The following NMNAT2 variants were observed in gnomAD, a reference collection of about 807,000 sequenced individuals.
NMNAT2 encodes nicotinamide/nicotinic acid mononucleotide adenylyltransferase 2.
Under a neutral mutation model 41.6 loss-of-function variants are expected in NMNAT2, and 11 were observed. The observed-to-expected ratio is 0.26, with a 90% CI of 0.17 to 0.44. NMNAT2 has a LOEUF of 0.44. NMNAT2 is among the 20% of genes least tolerant of loss of function. NMNAT2 has a pLI of 1.00. For missense variants in NMNAT2, 288 were observed against 407.7 expected, an observed-to-expected ratio of 0.71 and a Z score of 2.53; for synonymous variants, 148 against 151.2, an observed-to-expected ratio of 0.98 and a Z score of 0.16.
chr1:183,268,450 C>A (rs1660877672), intron 8 of NMNAT2, among the ~76,000 whole-genome samples: 3 of 152,196 alleles, frequency 2.0e-5, no homozygotes, highest in African/African-American at 7.2e-5. Context: ...GTATCTACTG[C>A]TGTGAAGATA....
At position 183,248,438 on chromosome 1, in the gene NMNAT2, C is replaced by T. The variant is rs200485013; in HGVS notation, c.*4203G>A. On this transcript the variant is annotated 3_prime_UTR_variant, in exon 11 of 11. Coordinates refer to ENST00000287713, the MANE Select transcript of NMNAT2 (RefSeq NM_015039.4). ...AATGGCAGATTATGTGATCAAAAAG[C>T]GATTCAAAAAAGCTTCCCCCTCCTC... 1 of 152,516 alleles carries T rather than the reference C, an allele frequency of 6.6e-6. No individual in the cohort carries two copies. Among genetic ancestry groups the T allele is most frequent in the African/African-American group, 2.4e-5 (1 of 41,414 alleles). 9.4% of individuals were successfully genotyped at this position (152,516 alleles called of 1,614,324 possible).
intron 1 of NMNAT2, among the ~76,000 whole-genome samples, chr1:183,372,156 G>C (rs563790085): frequency 6.6e-6 from 1 of 152,116 alleles, no homozygotes; most frequent in Non-Finnish European, 1.5e-5. Context: ...GGAAAACAGG[G>C]GGCTGCTTCA....
intron 1 of NMNAT2, among the ~76,000 whole-genome samples, chr1:183,415,190 A>C (rs2788044): frequency 0.034 from 5,244 of 152,166 alleles, 220 homozygotes; most frequent in African/African-American, 0.11. Context: ...CCATGTTGCC[A>C]AGTCTGGTCT....
rs139100048 is a variant in NMNAT2, at chr1:183,273,113, A to C, written c.651+5440T>G. Among the ~76,000 whole-genome samples the C allele has an allele frequency of 6.8e-4, 104 of 152,328 alleles. 3 individuals are homozygous for C. The highest frequency in any genetic ancestry group is 2.3e-3 in the African/African-American group (96 of 41,576). ...GCCAATCAATGTAGCCAGCTGTTCG[A>C]ACTGTGTTCAAATAAGACTGTTTCT... is the stretch of plus-strand genomic sequence containing the variant. On this transcript the variant is annotated intron_variant, in intron 8 of 10. Coordinates refer to ENST00000287713, the MANE Select transcript of NMNAT2 (RefSeq NM_015039.4).
At chr1:183,287,143 T>C (rs1047856231) in intron 4 of NMNAT2, among the ~76,000 whole-genome samples, 1 of 152,100 alleles carries the variant, frequency 6.6e-6, no homozygotes, top group Non-Finnish European at 1.5e-5. Context: ...AGCGAGCATA[T>C]GCAAAGTGCC....
chr1:183,381,369 A>G (rs1462810822), intron 1 of NMNAT2, among the ~76,000 whole-genome samples: 2 of 152,198 alleles, frequency 1.3e-5, no homozygotes, highest in African/African-American at 4.8e-5. Context: ...AGCACATACA[A>G]TAATAATGGG....
At chr1:183,310,879 TCA>T (rs1662100401) in intron 1 of NMNAT2, among the ~76,000 whole-genome samples, 1 of 151,902 alleles carries the variant, frequency 6.6e-6, no homozygotes, top group African/African-American at 2.4e-5. Context: ...CATTGGAATT[TCA>T]CAGTCTGTTT....
chr1:183,416,867 G>T (rs1214281411), intron 1 of NMNAT2, among the ~76,000 whole-genome samples: 3 of 152,104 alleles, frequency 2.0e-5, no homozygotes, highest in African/African-American at 7.2e-5. Flanking sequence ...AGGAGGGCTC[G>T]CGCAGTCCTC....
chr1:183,359,875 G>A (rs1342695277), intron 1 of NMNAT2, among the ~76,000 whole-genome samples: 1 of 152,206 alleles, frequency 6.6e-6, no homozygotes, highest in Non-Finnish European at 1.5e-5. Flanking sequence ...AAAGACACCT[G>A]CAAGATAATG....
chr1:183,281,169 TGA>T (rs951869574), intron 7 of NMNAT2, among the ~76,000 whole-genome samples: 1 of 152,200 alleles, frequency 6.6e-6, no homozygotes, highest in Non-Finnish European at 1.5e-5. Context: ...TGGACAGCCC[TGA>T]ATTAGATGGT....
rs1173937255 is a variant in NMNAT2, at chr1:183,413,643, G to A, written c.85+4540C>T. 6.4e-5 allele frequency among the ~76,000 whole-genome samples: 7 copies of A among 109,520 alleles called. No homozygotes were observed. In the Admixed American group the frequency reaches 1.0e-3, roughly 16 times the overall value. The allele number at this position is 109,520 out of a possible 152,430, so 71.8% of individuals were successfully genotyped here. ...TTTTTTTGAGACGGAGTCTCGCTCTGTCGCCCAAGCTGGAGTGCAGTGGCG... is the reference window on the plus strand; with the variant it reads ...TTTTTTTGAGACGGAGTCTCGCTCTATCGCCCAAGCTGGAGTGCAGTGGCG... On this transcript the variant is annotated intron_variant, in intron 1 of 10. Transcript: ENST00000287713.
intron 5 of NMNAT2, 129 bp from the exon 6 acceptor site, chr1:183,284,919 G>C: frequency 1.4e-6 from 1 of 693,396 alleles, no homozygotes; most frequent in Non-Finnish European, 2.7e-6. Context: ...GTGGGGAGCA[G>C]GAGGTAGCAG....
At chr1:183,282,276 C>T (rs1558115665) in intron 7 of NMNAT2, among the ~76,000 whole-genome samples, 1 of 152,254 alleles carries the variant, frequency 6.6e-6, no homozygotes, top group Non-Finnish European at 1.5e-5. Context: ...TCCCCAGCAG[C>T]ATTTTTGGTC....
intron 1 of NMNAT2, among the ~76,000 whole-genome samples, chr1:183,309,359 C>A (rs186619747): frequency 6.6e-6 from 1 of 151,952 alleles, no homozygotes; most frequent in Non-Finnish European, 1.5e-5. Context: ...GGCTGTTGGG[C>A]GGAAAATAAA....
intron 1 of NMNAT2, among the ~76,000 whole-genome samples, chr1:183,360,734 C>T (rs1012780021): frequency 3.9e-5 from 6 of 152,142 alleles, no homozygotes; most frequent in South Asian, 4.1e-4. Context: ...GCAAAGACTC[C>T]GGACCGGAGG....
intron 1 of NMNAT2, among the ~76,000 whole-genome samples, chr1:183,354,409 CTTTTTTTTTTTTTTT>C (rs67663742): frequency 1.1e-5 from 1 of 89,660 alleles, no homozygotes; most frequent in Non-Finnish European, 2.1e-5. Flanking sequence ...TCTTTAATGT[CTTTTTTTTTTTTTTT>C]TTTTTTTTGA....
chr1:183,406,134 A>G (rs553382491), intron 1 of NMNAT2, among the ~76,000 whole-genome samples: 6 of 152,240 alleles, frequency 3.9e-5, no homozygotes, highest in Non-Finnish European at 8.8e-5. Flanking sequence ...GCTAAGTTCA[A>G]TGATAGATAA....
intron 1 of NMNAT2, among the ~76,000 whole-genome samples, chr1:183,358,846 G>A (rs1017234700): frequency 2.0e-5 from 3 of 152,144 alleles, no homozygotes; most frequent in South Asian, 2.1e-4. Flanking sequence ...CAGGACGGAC[G>A]ATAAGGTTGG....
At chr1:183,257,710 A>G (rs1320110946) in intron 10 of NMNAT2, among the ~76,000 whole-genome samples, 1 of 151,800 alleles carries the variant, frequency 6.6e-6, no homozygotes, top group Non-Finnish European at 1.5e-5. Flanking sequence ...GACATCTGTT[A>G]TAATGTCTAC....
Sources: allele counts gnomAD v4.1 joint callset (sites outside exome capture counted in the v4.1 genomes callset), GRCh38; gene constraint gnomAD v4.1.1; transcripts MANE v1.5; gene names NCBI Gene and HGNC (gene_info 2026-07-23, HGNC 2026-07-21).